EXOC8: variants seen among roughly 807,000 people sequenced by gnomAD.
EXOC8 encodes exocyst complex 84 kDa subunit.
Under a neutral mutation model 50.8 loss-of-function variants are expected in EXOC8, and 19 were observed. The ratio of observed to expected loss-of-function variants is 0.37; its 90% CI spans 0.26 to 0.55. The LOEUF (loss-of-function observed/expected upper bound fraction) is 0.55. Ranked by LOEUF, EXOC8 falls within the 20% of genes least tolerant of loss-of-function variation. The pLI is 0.80. For synonymous variants in EXOC8, 384 were observed against 367.9 expected, an observed-to-expected ratio of 1.04 and a Z score of -0.50; for missense variants, 781 against 915.8, an observed-to-expected ratio of 0.85 and a Z score of 1.90.
At position 231,336,158 on chromosome 1, in the gene EXOC8, G is replaced by C. The variant is rs1160563252; in HGVS notation, c.1588C>G (p.Gln530Glu). Residue 530 changes from glutamine (Q) to glutamate (E), a missense_variant, in exon 1 of 1, where the codon CAG becomes GAG. Transcript: ENST00000366645. The surrounding 1 kb of genome is among the most constrained non-coding windows in gnomAD (Gnocchi z 5.4). Reference sequence around the variant, plus strand: ...TCCAGTCCGATATCACCCAGTTGCTGGCAATGCTCCTTAGCCACTTTTACA... The same window carrying C: ...TCCAGTCCGATATCACCCAGTTGCTCGCAATGCTCCTTAGCCACTTTTACA... The part of the protein sequence containing the change: ...ECVKVAKEHC[Q>E]QLGDIGLDLT... 1 of 1,614,152 alleles carries C rather than the reference G, an allele frequency of 6.2e-7. No homozygotes were observed.
rs892330756 is a variant in EXOC8 at position 231,332,775 on chromosome 1, G to C, written c.*2793C>G. 6.6e-6 allele frequency: 1 copy of C among 152,082 alleles called. No individual in the cohort carries two copies. Among genetic ancestry groups the C allele is most frequent in the African/African-American group, 2.4e-5 (1 of 41,400 alleles). The allele number at this position is 152,082 out of a possible 1,614,324, so 9.4% of individuals were successfully genotyped here. ...TTATCCAGTGTAAGACAATTTTTAA[G>C]CTTTATTTTTATGAAACATTTCAGA... On this transcript the variant is annotated 3_prime_UTR_variant, in exon 1 of 1. Transcript: ENST00000366645.
Position 231,337,596 on chromosome 1 carries a change from C to T in EXOC8, c.150G>A (p.Ala50=). 6.2e-7 allele frequency: 1 copy of T among 1,612,452 alleles called. No homozygotes were observed. Among genetic ancestry groups the T allele is most frequent in the Non-Finnish European group, 8.5e-7 (1 of 1,179,982 alleles). ...GGTTCTGCGCCGTCTCCTCCGCCAG[C>T]GCCTGGATGCGCTGCCGGTGCTCCT... The part of the protein sequence containing the change: ...DLQEHRQRIQ[A]LAEETAQNLK... Residue 50 remains alanine, a synonymous_variant, in exon 1 of 1, where the codon GCG becomes GCA. Transcript: ENST00000366645. This position sits in a 1 kb window ranked among gnomAD's most constrained non-coding sequence, Gnocchi z 5.9.
chr1:231,336,899 C>T lies in EXOC8; in HGVS notation c.847G>A (p.Ala283Thr). The change falls in exon 1 of 1, where the codon GCC becomes ACC. Residue 283 changes from alanine to threonine, a missense_variant. Around this residue, in one of 3 missense-constraint regions of EXOC8, gnomAD observed 700 missense variants for 804.1 expected, o/e 0.87. Transcript: ENST00000366645. This position sits in a 1 kb window ranked among gnomAD's most constrained non-coding sequence, Gnocchi z 5.4. ...TCCCTTCGCCTTTTCTCACTGAGGG[C>T]CCTCTTGGTGTCCTCCAGCACTTCC... ...WLEVLEDTKR[A>T]LSEKRRREQE... The T allele has an allele frequency of 6.2e-7, 1 of 1,614,132 alleles. No homozygotes were observed. Among genetic ancestry groups the T allele is most frequent in the Non-Finnish European group, 8.5e-7 (1 of 1,180,028 alleles).
rs1393083264 is a variant in EXOC8 at position 231,334,848 on chromosome 1, C to T, written c.*720G>A. On this transcript the variant is annotated 3_prime_UTR_variant, in exon 1 of 1. Coordinates refer to ENST00000366645, the MANE Select transcript of EXOC8 (RefSeq NM_175876.5). ...TAAAACCAATTTTCCCAACTCTTTT[C>T]CTTTTCCCAAATAGTCCAACGTTTT... 2 of 152,138 alleles carry T rather than the reference C, an allele frequency of 1.3e-5. No individual in the cohort carries two copies. Among genetic ancestry groups the T allele is most frequent in the African/African-American group, 2.4e-5 (1 of 41,394 alleles). 9.4% of individuals were successfully genotyped at this position (152,138 alleles called of 1,614,324 possible).
rs1417646736 is a variant in EXOC8 at position 231,333,605 on chromosome 1, CAA to C, written c.*1961_*1962del. On this transcript the variant is annotated 3_prime_UTR_variant, in exon 1 of 1. Transcript: ENST00000366645. ...TGGCACAGAATAATCATAATTATCACAAAATTTTATCAATTTCCAGTGATCTT... is the reference window on the plus strand; with the variant it reads ...TGGCACAGAATAATCATAATTATCACAATTTTATCAATTTCCAGTGATCTT... 2 of 152,642 alleles carry C rather than the reference CAA, an allele frequency of 1.3e-5. No homozygotes were observed. Among genetic ancestry groups the C allele is most frequent in the Non-Finnish European group, 2.9e-5 (2 of 68,002 alleles). 9.5% of individuals were successfully genotyped at this position (152,642 alleles called of 1,614,324 possible).
chr1:231,337,653 G>C lies in EXOC8; in HGVS notation c.93C>G (p.Leu31=), dbSNP rs775517129. The C allele has an allele frequency of 1.1e-5, 17 of 1,609,972 alleles. No individual in the cohort carries two copies. The African/African-American group carries it at 2.3e-4, about 21-fold the overall frequency. Residue 31 remains leucine, a synonymous_variant, in exon 1 of 1, where the codon CTC becomes CTG. Transcript: ENST00000366645. This position sits in a 1 kb window ranked among gnomAD's most constrained non-coding sequence, Gnocchi z 5.9. The part of the protein sequence containing the change: ...GFEARLYVKQ[L]SQQSDGDRDL... ...CCCGGTCCCCATCCGACTGCTGCGA[G>C]AGCTGCTTCACGTACAGCCGCGCCT...
In EXOC8 at chr1:231,332,853, AT is replaced by A. The variant is rs1686593826; in HGVS notation, c.*2714del. 1 of 152,208 alleles carries A rather than the reference AT, an allele frequency of 6.6e-6. No homozygotes were observed. 9.4% of individuals were successfully genotyped at this position (152,208 alleles called of 1,614,324 possible). ...GCAGTATGTACATAGACTGACTTTT[AT>A]AGTACATGTCATGTCCCAAATTCCC... On this transcript the variant is annotated 3_prime_UTR_variant, in exon 1 of 1. Transcript: ENST00000366645.
Position 231,336,359 on chromosome 1 carries a change from A to C in EXOC8, c.1387T>G (p.Phe463Val). The C allele has an allele frequency of 1.9e-6, 3 of 1,614,122 alleles. No homozygotes were observed. The highest frequency in any genetic ancestry group is 2.5e-6 in the Non-Finnish European group (3 of 1,180,044). ...LLYIHKLCHV[F>V]FTSLLETARE... Reference sequence around the variant, plus strand: ...GCAGTCTCGAGAAGGCTGGTAAAGAAGACATGGCACAGCTTATGAATATAG... The same window carrying C: ...GCAGTCTCGAGAAGGCTGGTAAAGACGACATGGCACAGCTTATGAATATAG... Residue 463 changes from phenylalanine (F) to valine (V), a missense_variant, in exon 1 of 1, where the codon TTC becomes GTC. Physicochemically the swap from Phe to Val is conservative, Grantham distance 50. Around this residue, in one of 3 missense-constraint regions of EXOC8, gnomAD observed 700 missense variants for 804.1 expected, o/e 0.87. Transcript: ENST00000366645. This position sits in a 1 kb window ranked among gnomAD's most constrained non-coding sequence, Gnocchi z 5.4.
rs1558358962 is a variant in EXOC8 at position 231,337,785 on chromosome 1, C to T, written c.-40G>A. ...CACGCACTCACTGTCACTATCGGCG[C>T]CGCAGCCGCCGCGGCTGTCTAGACC... On this transcript the variant is annotated 5_prime_UTR_variant, in exon 1 of 1. Coordinates refer to ENST00000366645, the MANE Select transcript of EXOC8 (RefSeq NM_175876.5). The surrounding 1 kb of genome is among the most constrained non-coding windows in gnomAD (Gnocchi z 5.9). The T allele has an allele frequency of 6.5e-7, 1 of 1,541,284 alleles. No individual in the cohort carries two copies. The highest frequency in any genetic ancestry group is 8.7e-7 in the Non-Finnish European group (1 of 1,146,240).
Position 231,337,425 on chromosome 1 carries a change from A to G in EXOC8, c.321T>C (p.Pro107=). 6.2e-7 allele frequency: 1 copy of G among 1,608,116 alleles called. No homozygotes were observed. Among genetic ancestry groups the G allele is most frequent in the South Asian group, 1.1e-5 (1 of 91,066 alleles). Residue 107 remains proline (P), a synonymous_variant, in exon 1 of 1, where the codon CCT becomes CCC. Transcript: ENST00000366645. The surrounding 1 kb of genome is among the most constrained non-coding windows in gnomAD (Gnocchi z 5.9). ...CGGCGGCTCCGGCGGCAGCAGCGGC[A>G]GGCAGCAACGTAAGCGGGATGCTCT... The part of the protein sequence containing the change: ...SLESIPLTLL[P]AAAAAGAAAA...
chr1:231,334,911 C>CT lies in EXOC8; in HGVS notation c.*656dup, dbSNP rs1315261535. Reference sequence around the variant, plus strand: ...ATGAGGCAGGTTGTTTTATACGGCACTGTACCCTTTAGGAAACCTAACATT... The same window carrying CT: ...ATGAGGCAGGTTGTTTTATACGGCACTTGTACCCTTTAGGAAACCTAACATT... On this transcript the variant is annotated 3_prime_UTR_variant, in exon 1 of 1. Coordinates refer to ENST00000366645, the MANE Select transcript of EXOC8 (RefSeq NM_175876.5). 2 of 152,138 alleles carry CT rather than the reference C, an allele frequency of 1.3e-5. No individual in the cohort carries two copies. The highest frequency in any genetic ancestry group is 2.4e-5 in the African/African-American group (1 of 41,418). 9.4% of individuals were successfully genotyped at this position (152,138 alleles called of 1,614,324 possible). A position where few individuals can be genotyped will look rare whatever the true frequency, so the allele number is the denominator to read the frequency against.
chr1:231,335,529 CT>C lies in EXOC8; in HGVS notation c.*38del. On this transcript the variant is annotated 3_prime_UTR_variant, in exon 1 of 1. Coordinates refer to ENST00000366645, the MANE Select transcript of EXOC8 (RefSeq NM_175876.5). The stretch of plus-strand genomic sequence containing the variant: ...TATAAATATAAATAATATATAAGCT[CT>C]CTCTCTGCATATATACACATATAAA... 1 of 1,368,960 alleles carries C rather than the reference CT, an allele frequency of 7.3e-7. No homozygotes were observed. Among genetic ancestry groups the C allele is most frequent in the Non-Finnish European group, 9.6e-7 (1 of 1,036,530 alleles). The allele number at this position is 1,368,960 out of a possible 1,614,324, so 84.8% of individuals were successfully genotyped here.
Position 231,336,023 on chromosome 1 carries a change from A to G in EXOC8, c.1723T>C (p.Trp575Arg), listed in dbSNP as rs149161163. ...ATKHRNSEEM[W>R]RRMNLMTPEA... ...GGCGTCATCAAGTTCATCCTCCTCC[A>G]CATCTCTTCAGAGTTGCGATGTTTA... is the stretch of plus-strand genomic sequence containing the variant. Residue 575 changes from tryptophan (W) to arginine (R), a missense_variant, in exon 1 of 1, where the codon TGG becomes CGG. Around this residue, in one of 3 missense-constraint regions of EXOC8, gnomAD observed 700 missense variants for 804.1 expected, o/e 0.87. Coordinates refer to ENST00000366645, the MANE Select transcript of EXOC8 (RefSeq NM_175876.5). This position sits in a 1 kb window ranked among gnomAD's most constrained non-coding sequence, Gnocchi z 5.4. The G allele has an allele frequency of 1.2e-6, 2 of 1,614,060 alleles. No individual in the cohort carries two copies. The highest frequency in any genetic ancestry group is 2.7e-5 in the African/African-American group (2 of 74,992).
chr1:231,334,513 C>T lies in EXOC8; in HGVS notation c.*1055G>A, dbSNP rs971451552. 2 of 152,120 alleles carry T rather than the reference C, an allele frequency of 1.3e-5. No homozygotes were observed. The highest frequency in any genetic ancestry group is 2.9e-5 in the Non-Finnish European group (2 of 68,014). 9.4% of individuals were successfully genotyped at this position (152,120 alleles called of 1,614,324 possible). A position where few individuals can be genotyped will look rare whatever the true frequency, so the allele number is the denominator to read the frequency against. On this transcript the variant is annotated 3_prime_UTR_variant, in exon 1 of 1. Transcript: ENST00000366645. ...AACCTGGCAACTGCTGCCAGTGTCC[C>T]CAATGTGTCTTGCTTATTATTTTTT...
chr1:231,337,844 A>C lies in EXOC8; in HGVS notation c.-99T>G, dbSNP rs974827967. 1.4e-5 allele frequency: 21 copies of C among 1,451,578 alleles called. No homozygotes were observed. The African/African-American group carries it at 2.9e-4, about 20-fold the overall frequency. The allele number at this position is 1,451,578 out of a possible 1,614,324, so 89.9% of individuals were successfully genotyped here. A position where few individuals can be genotyped will look rare whatever the true frequency, so the allele number is the denominator to read the frequency against. On this transcript the variant is annotated 5_prime_UTR_variant, in exon 1 of 1. Transcript: ENST00000366645. The surrounding 1 kb of genome is among the most constrained non-coding windows in gnomAD (Gnocchi z 5.9). ...GCCAACCGAGCTCCTGGGCTGAGGA[A>C]GCAGGAATGGGAACGAGACGAGTAC...
Position 231,336,024 on chromosome 1 carries a change from C to T in EXOC8, c.1722G>A (p.Met574Ile). 6.2e-7 allele frequency: 1 copy of T among 1,614,212 alleles called. No individual in the cohort carries two copies. The highest frequency in any genetic ancestry group is 8.5e-7 in the Non-Finnish European group (1 of 1,180,040). The change falls in exon 1 of 1, where the codon ATG becomes ATA. Residue 574 changes from methionine (M) to isoleucine (I), a missense_variant. Physicochemically the swap from Met to Ile is conservative, Grantham distance 10 (BLOSUM62 1). Coordinates refer to ENST00000366645, the MANE Select transcript of EXOC8 (RefSeq NM_175876.5). This position sits in a 1 kb window ranked among gnomAD's most constrained non-coding sequence, Gnocchi z 5.4. ...GCGTCATCAAGTTCATCCTCCTCCA[C>T]ATCTCTTCAGAGTTGCGATGTTTAG... ...EATKHRNSEE[M>I]WRRMNLMTPE...
Position 231,337,066 on chromosome 1 carries a change from T to C in EXOC8, c.680A>G (p.Tyr227Cys), listed in dbSNP as rs368945800. 3.6e-5 allele frequency: 58 copies of C among 1,613,964 alleles called. No individual in the cohort carries two copies. The highest frequency in any genetic ancestry group is 4.7e-5 in the Non-Finnish European group (56 of 1,180,040). The part of the protein sequence containing the change: ...WLPQRRGMYR[Y>C]NALYSLDGLA... Reference sequence around the variant, plus strand: ...ACCATCTAGGGAATAGAGAGCGTTGTAGCGATACATCCCACGCCGCTGAGG... The same window carrying C: ...ACCATCTAGGGAATAGAGAGCGTTGCAGCGATACATCCCACGCCGCTGAGG... The change falls in exon 1 of 1, where the codon TAC becomes TGC. Residue 227 changes from tyrosine to cysteine, a missense_variant. Around this residue, in one of 3 missense-constraint regions of EXOC8, gnomAD observed 700 missense variants for 804.1 expected, o/e 0.87. Transcript: ENST00000366645. The surrounding 1 kb of genome is among the most constrained non-coding windows in gnomAD (Gnocchi z 5.9).
Position 231,337,671 on chromosome 1 carries a change from C to G in EXOC8, c.75G>C (p.Arg25=), listed in dbSNP as rs1686715930. The G allele has an allele frequency of 1.9e-5, 31 of 1,609,654 alleles. No homozygotes were observed. Among genetic ancestry groups the G allele is most frequent in the Non-Finnish European group, 2.6e-5 (31 of 1,179,922 alleles). Reference sequence around the variant, plus strand: ...GCTGCGAGAGCTGCTTCACGTACAGCCGCGCCTCAAAACCCCCTGACTCCA... The same window carrying G: ...GCTGCGAGAGCTGCTTCACGTACAGGCGCGCCTCAAAACCCCCTGACTCCA... ...RQLESGGFEA[R]LYVKQLSQQS... Residue 25 remains arginine, a synonymous_variant, in exon 1 of 1, where the codon CGG becomes CGC. Transcript: ENST00000366645. This position sits in a 1 kb window ranked among gnomAD's most constrained non-coding sequence, Gnocchi z 5.9.
In EXOC8 at chr1:231,336,190, G is replaced by A; in HGVS notation, c.1556C>T (p.Ala519Val). 1 of 1,614,130 alleles carries A rather than the reference G, an allele frequency of 6.2e-7. No individual in the cohort carries two copies. Among genetic ancestry groups the A allele is most frequent in the Non-Finnish European group, 8.5e-7 (1 of 1,180,032 alleles). The change falls in exon 1 of 1, where the codon GCT becomes GTT. Residue 519 changes from alanine to valine, a missense_variant. Ala to Val is a moderately conservative substitution (Grantham distance 64). Around this residue, in one of 3 missense-constraint regions of EXOC8, gnomAD observed 700 missense variants for 804.1 expected, o/e 0.87. Coordinates refer to ENST00000366645, the MANE Select transcript of EXOC8 (RefSeq NM_175876.5). The surrounding 1 kb of genome is among the most constrained non-coding windows in gnomAD (Gnocchi z 5.4). ...CTCCTTAGCCACTTTTACACACTCA[G>A]CTGCTGTAGAGAGGCTCTCCTTACT... ...FDSKESLSTA[A>V]ECVKVAKEHC... is the part of the protein sequence containing the mutation.
Sources: allele counts gnomAD v4.1 joint callset, GRCh38; gene constraint gnomAD v4.1.1; regional missense constraint gnomAD v4.1.1; non-coding constraint Gnocchi (gnomAD v3.1); transcripts MANE v1.5; gene names NCBI Gene and HGNC (gene_info 2026-07-23, HGNC 2026-07-21).